Variants in MDFIC observed in about 807,000 individuals in gnomAD.
MDFIC encodes the protein myoD family inhibitor domain-containing protein.
A neutral mutation model predicts 23.2 loss-of-function variants in MDFIC; 17 were observed. The ratio of observed to expected loss-of-function variants is 0.73; its 90% confidence interval spans 0.50 to 1.10. The LOEUF (loss-of-function observed/expected upper bound fraction) is 1.10, where lower values mean the gene tolerates loss of function less well. MDFIC is among the 50% of genes least tolerant of loss of function. MDFIC has a pLI of 0.00. For missense variants in MDFIC, 356 were observed against 316.6 expected (o/e 1.12, Z -0.95); for synonymous variants, 120 against 115.2 (o/e 1.04, Z -0.27).
intron 3 of MDFIC, among the ~76,000 whole-genome samples, chr7:114,956,283 C>T (rs1284180108): frequency 6.6e-6 from 1 of 151,984 alleles, no homozygotes; most frequent in African/African-American, 2.4e-5. Context: ...TCCTTCAGAA[C>T]TTCATCTTTG....
At chr7:115,006,932 A>T (rs1198996295) in intron 4 of MDFIC, among the ~76,000 whole-genome samples, 1 of 3,882 alleles carries the variant, frequency 2.6e-4, no homozygotes, top group Non-Finnish European at 1.3e-3. Context: ...CAAGTAAAGT[A>T]TAGTTTCTAG....
chr7:114,963,845 G>A (rs1793040661), intron 3 of MDFIC, among the ~76,000 whole-genome samples: 2 of 152,288 alleles, frequency 1.3e-5, no homozygotes, highest in East Asian at 3.9e-4. Flanking sequence ...CTTCCAAAGT[G>A]CTGGGATTAC....
At chr7:115,000,682 T>TA (rs2116078842) in intron 4 of MDFIC, among the ~76,000 whole-genome samples, 1 of 152,306 alleles carries the variant, frequency 6.6e-6, no homozygotes, top group South Asian at 2.1e-4. Context: ...TTTCTCACCT[T>TA]AAAAAACTAT....
At chr7:114,992,785 A>C (rs1791205635) in intron 4 of MDFIC, among the ~76,000 whole-genome samples, 1 of 152,204 alleles carries the variant, frequency 6.6e-6, no homozygotes, top group Non-Finnish European at 1.5e-5. Context: ...ATAAATGTTC[A>C]TCAGGGATAT....
chr7:114,998,267 T>C (rs1791384435), intron 4 of MDFIC, among the ~76,000 whole-genome samples: 1 of 152,200 alleles, frequency 6.6e-6, no homozygotes, highest in East Asian at 1.9e-4. Context: ...GTGTTATTCA[T>C]TGAATATAGC....
chr7:115,014,364 G>T (rs1296573427), intron 4 of MDFIC: 10 of 1,278,570 alleles, frequency 7.8e-6, no homozygotes, highest in Non-Finnish European at 9.1e-6. Context: ...ACATCTACTT[G>T]CAGTTATATG....
At chr7:114,971,015 C>T (rs1360820326) in intron 3 of MDFIC, among the ~76,000 whole-genome samples, 1 of 152,176 alleles carries the variant, frequency 6.6e-6, no homozygotes, top group Non-Finnish European at 1.5e-5. Flanking sequence ...TTGCACATTG[C>T]TGGCTATGGC....
intron 3 of MDFIC, among the ~76,000 whole-genome samples, chr7:114,946,632 T>A (rs1792650263): frequency 1.3e-5 from 2 of 152,168 alleles, no homozygotes; most frequent in Admixed American, 6.5e-5. Flanking sequence ...TAAATGGTAA[T>A]CCCCATTCTA....
intron 4 of MDFIC, among the ~76,000 whole-genome samples, chr7:115,008,777 C>T (rs1791622719): frequency 1.3e-5 from 2 of 152,204 alleles, no homozygotes; most frequent in African/African-American, 4.8e-5. Context: ...TTAGCAATCT[C>T]GGCTGTGATT....
At chr7:114,994,025 G>T (rs1332363159) in intron 4 of MDFIC, among the ~76,000 whole-genome samples, 1 of 152,140 alleles carries the variant, frequency 6.6e-6, no homozygotes, top group Non-Finnish European at 1.5e-5. Flanking sequence ...TTATGAATCT[G>T]GGTGCTCCTG....
intron 4 of MDFIC, among the ~76,000 whole-genome samples, chr7:115,002,551 A>G (rs568961311): frequency 6.8e-4 from 104 of 152,264 alleles, no homozygotes; most frequent in African/African-American, 2.5e-3. Context: ...GCCCTCTTCC[A>G]TTTTCCACAG....
intron 3 of MDFIC, among the ~76,000 whole-genome samples, chr7:114,949,218 A>G (rs1027091479): frequency 6.6e-6 from 1 of 152,052 alleles, no homozygotes; most frequent in Non-Finnish European, 1.5e-5. Context: ...TCTTCCTGTT[A>G]TTCCTAAATT....
At chr7:114,982,834 G>A (rs947587027) in intron 4 of MDFIC, among the ~76,000 whole-genome samples, 1 of 152,190 alleles carries the variant, frequency 6.6e-6, no homozygotes, top group Non-Finnish European at 1.5e-5. Context: ...ACCATTTTCT[G>A]CTTCTAAGAT....
intron 3 of MDFIC, among the ~76,000 whole-genome samples, chr7:114,949,484 C>G (rs1792717637): frequency 6.6e-6 from 1 of 152,190 alleles, no homozygotes; most frequent in African/African-American, 2.4e-5. Context: ...CTTCCTGGAT[C>G]TGAACACTCT....
chr7:115,013,074 C>G (rs1791712121), intron 4 of MDFIC, among the ~76,000 whole-genome samples: 1 of 152,128 alleles, frequency 6.6e-6, no homozygotes, highest in Non-Finnish European at 1.5e-5. Flanking sequence ...TGAACTACAG[C>G]TACACGAATC....
At chr7:114,957,107 T>G (rs556927317) in intron 3 of MDFIC, among the ~76,000 whole-genome samples, 81 of 152,310 alleles carry the variant, frequency 5.3e-4, no homozygotes, top group African/African-American at 1.9e-3. Context: ...GATTATAATT[T>G]GCACAGGTAG....
rs865918363 is a variant in MDFIC at position 114,966,806 on chromosome 7, C to T, written c.218-12700C>T. ...TGATGCCACAGGGCAGGGTTAGGCC[C>T]GTAGAGCATATGTAGAAGTTGTATC... On this transcript the variant is annotated intron_variant, in intron 3 of 4. Transcript: ENST00000393486. Among the ~76,000 whole-genome samples the T allele has an allele frequency of 1.4e-4, 21 of 152,170 alleles. No homozygotes were observed. In the Middle Eastern group the frequency reaches 0.014, roughly 99 times the overall value.
At chr7:114,977,543 C>G (rs527850814) in intron 3 of MDFIC, among the ~76,000 whole-genome samples, 1 of 152,234 alleles carries the variant, frequency 6.6e-6, no homozygotes, top group African/African-American at 2.4e-5. Context: ...AAATGCAAGC[C>G]ATACTTCTCT....
chr7:114,999,337 TC>T (rs201912161), intron 4 of MDFIC, among the ~76,000 whole-genome samples: 12 of 151,610 alleles, frequency 7.9e-5, no homozygotes, highest in African/African-American at 1.2e-4. Context: ...CAACAATGAT[TC>T]TTTTTTTCTA....
Sources: allele counts gnomAD v4.1 joint callset (sites outside exome capture counted in the v4.1 genomes callset), GRCh38; gene constraint gnomAD v4.1.1; transcripts MANE v1.5; gene names NCBI Gene and HGNC (gene_info 2026-07-23, HGNC 2026-07-21).